The following PPIP5K2 variants were observed in gnomAD, a reference collection of about 807,000 sequenced individuals.
The protein encoded by PPIP5K2 is inositol hexakisphosphate and diphosphoinositol-pentakisphosphate kinase 2.
In PPIP5K2, 105 loss-of-function variants were observed where a neutral mutation model predicts 154.6. That is an observed-to-expected ratio of 0.68 (90% CI 0.58 to 0.80). The LOEUF is 0.80. Ranked by LOEUF, PPIP5K2 falls within the 30% of genes least tolerant of loss-of-function variation. PPIP5K2 has a pLI of 0.00. For synonymous variants in PPIP5K2, 480 were observed against 490.3 expected (o/e 0.98, Z 0.28); for missense variants, 992 against 1,504.6 (o/e 0.66, Z 5.64).
intron 17 of PPIP5K2, among the ~76,000 whole-genome samples, chr5:103,161,635 T>G (rs1554215829): frequency 6.6e-6 from 1 of 152,196 alleles, no homozygotes; most frequent in African/African-American, 2.4e-5. Context: ...TTTCCTGACT[T>G]TTTAATGATT....
At chr5:103,136,321 G>T (rs1185873998) in intron 3 of PPIP5K2, among the ~76,000 whole-genome samples, 1 of 152,180 alleles carries the variant, frequency 6.6e-6, no homozygotes, top group African/African-American at 2.4e-5. Context: ...TAATTTATGT[G>T]TGTAGGCATC....
intron 21 of PPIP5K2, chr5:103,177,029 A>G: frequency 1.6e-6 from 1 of 637,350 alleles, no homozygotes; most frequent in African/African-American, 1.9e-5. Flanking sequence ...GATGGTGGGA[A>G]AAAATGGCAT....
Position 103,200,414 on chromosome 5 carries a change from T to C in PPIP5K2, c.3620-1108T>C, listed in dbSNP as rs77787991. On this transcript the variant is annotated intron_variant, in intron 30 of 30. Coordinates refer to ENST00000358359, the MANE Select transcript of PPIP5K2 (RefSeq NM_001276277.3). ...GGGAATGTTATTCCATATTATTCCC[T>C]TTTTCCAAGTGCTGATTCTTATCTA... Among the ~76,000 whole-genome samples the C allele has an allele frequency of 2.5e-3, 377 of 151,688 alleles. 1 individual carries two copies. Among genetic ancestry groups the C allele is most frequent in the Middle Eastern group, 0.01 (3 of 294 alleles).
intron 5 of PPIP5K2, among the ~76,000 whole-genome samples, chr5:103,140,753 C>T (rs1554206254): frequency 6.7e-6 from 1 of 148,936 alleles, no homozygotes; most frequent in Admixed American, 6.8e-5. Flanking sequence ...AGGAGAATGG[C>T]GTGAACCCGG....
intron 11 of PPIP5K2, among the ~76,000 whole-genome samples, 186 bp from the exon 12 acceptor site, chr5:103,154,484 A>G (rs1299781601): frequency 6.6e-6 from 1 of 152,084 alleles, no homozygotes; most frequent in East Asian, 1.9e-4. Context: ...CATTTAGGAA[A>G]GTACTAAGTT....
intron 2 of PPIP5K2, among the ~76,000 whole-genome samples, chr5:103,132,398 T>C (rs1554202930): frequency 2.0e-5 from 3 of 151,796 alleles, no homozygotes; most frequent in South Asian, 2.1e-4. Context: ...AAAAAAAAAT[T>C]AGCTGGGTGT....
At chr5:103,162,101 A>T (rs973485315) in intron 17 of PPIP5K2, among the ~76,000 whole-genome samples, 2 of 152,132 alleles carry the variant, frequency 1.3e-5, no homozygotes, top group African/African-American at 4.8e-5. Flanking sequence ...TTCTCAGATG[A>T]TTCCATTTTG....
intron 9 of PPIP5K2, 128 bp from the exon 10 acceptor site, chr5:103,152,520 G>C (rs1794785239): frequency 1.7e-6 from 1 of 575,118 alleles, no homozygotes; most frequent in South Asian, 2.6e-5. Flanking sequence ...AATGGATTCT[G>C]TGGGTTATCT....
chr5:103,147,838 G>T, intron 6 of PPIP5K2, 93 bp from the exon 7 acceptor site: 1 of 749,154 alleles, frequency 1.3e-6, no homozygotes, highest in Non-Finnish European at 2.2e-6. Flanking sequence ...GTCTAAGATG[G>T]AAATAGATGG....
In PPIP5K2 at chr5:103,149,319, A is replaced by G. The variant is rs574733171; in HGVS notation, c.906+6A>G. 1.3e-5 allele frequency: 21 copies of G among 1,611,946 alleles called. No homozygotes were observed. The highest frequency in any genetic ancestry group is 2.7e-5 in the African/African-American group (2 of 74,992). On this transcript the variant is annotated splice_donor_region_variant and intron_variant, in intron 8 of 30. Transcript: ENST00000358359. ...AAGTCTGCCTTGCTTTTAAGGTAAG[A>G]TGTTATACAGGCCTATAGATCCTTA...
At chr5:103,141,633 A>C (rs1327446450) in intron 5 of PPIP5K2, among the ~76,000 whole-genome samples, 2 of 152,176 alleles carry the variant, frequency 1.3e-5, no homozygotes, top group East Asian at 3.9e-4. Flanking sequence ...AGTTAGATAC[A>C]GAGTTTCGAC....
chr5:103,196,993 G>A (rs1019008349), intron 30 of PPIP5K2, among the ~76,000 whole-genome samples: 1 of 152,106 alleles, frequency 6.6e-6, no homozygotes, highest in East Asian at 1.9e-4. Flanking sequence ...CAGGGTAAGA[G>A]AGCATTTCAG....
intron 12 of PPIP5K2, 27 bp downstream of exon 12, chr5:103,154,772 T>C (rs1187800569): frequency 7.1e-6 from 11 of 1,551,658 alleles, no homozygotes; most frequent in Non-Finnish European, 9.6e-6. Context: ...TCTTGTTTAA[T>C]TTTAAATTTT....
chr5:103,193,393 A>T (rs1483549318), intron 29 of PPIP5K2, among the ~76,000 whole-genome samples: 4 of 152,050 alleles, frequency 2.6e-5, no homozygotes, highest in Non-Finnish European at 5.9e-5. Flanking sequence ...GTTTATAACA[A>T]GGGAAAAGGA....
chr5:103,198,407 A>T (rs1327054122), intron 30 of PPIP5K2, among the ~76,000 whole-genome samples: 3 of 152,058 alleles, frequency 2.0e-5, no homozygotes, highest in African/African-American at 7.2e-5. Flanking sequence ...AAGGTTGTTG[A>T]TAATGTTCAG....
intron 6 of PPIP5K2, among the ~76,000 whole-genome samples, chr5:103,147,422 C>A (rs2149541749): frequency 6.6e-6 from 1 of 152,060 alleles, no homozygotes; most frequent in African/African-American, 2.4e-5. Context: ...AAAGATTTTT[C>A]ATTATCTTCA....
In PPIP5K2 at chr5:103,184,726, A is replaced by C; in HGVS notation, c.3151A>C (p.Lys1051Gln). 1.2e-6 allele frequency: 2 copies of C among 1,612,340 alleles called. No individual in the cohort carries two copies. The highest frequency in any genetic ancestry group is 1.7e-6 in the Non-Finnish European group (2 of 1,178,556). The change falls in exon 26 of 31, where the codon AAG becomes CAG. Residue 1051 changes from lysine to glutamine, a missense_variant. By Grantham distance (53) the Lys-to-Gln change is moderately conservative (BLOSUM62 1). This residue lies in a region of PPIP5K2 where 204 missense variants were observed against 224.0 expected (regional missense o/e 0.91). Transcript: ENST00000358359. ...LRTPRTLVEQ[K>Q]QNPTVGSHCA... ...AACACCAAGAACTCTTGTGGAACAGAAGCAGAATCCTACTGTAGGTATGTG... is the reference window on the plus strand; with the variant it reads ...AACACCAAGAACTCTTGTGGAACAGCAGCAGAATCCTACTGTAGGTATGTG...
At chr5:103,162,350 C>CTTTTTTTTTT (rs200973581) in intron 17 of PPIP5K2, among the ~76,000 whole-genome samples, 1 of 138,540 alleles carries the variant, frequency 7.2e-6, no homozygotes. Flanking sequence ...GATGTGTTTT[C>CTTTTTTTTTT]TTTTTTTTTT....
In PPIP5K2 at chr5:103,208,951, T is replaced by C. The variant is rs1322279519; in HGVS notation, c.*7317T>C. On this transcript the variant is annotated 3_prime_UTR_variant, in exon 31 of 31. Transcript: ENST00000358359. ...CTTCATTTTCAAACTGGATATCATT[T>C]CTTTTGTGGTTAATATTCTTTGACA... The C allele has an allele frequency of 6.6e-6, 1 of 152,198 alleles. No individual in the cohort carries two copies. Among genetic ancestry groups the C allele is most frequent in the Non-Finnish European group, 1.5e-5 (1 of 68,030 alleles). 9.4% of individuals were successfully genotyped at this position (152,198 alleles called of 1,614,324 possible). A position where few individuals can be genotyped will look rare whatever the true frequency, so the allele number is the denominator to read the frequency against.
Sources: gnomAD v4.1 joint callset for allele counts (sites outside exome capture counted in the v4.1 genomes callset) on GRCh38, gnomAD v4.1.1 for gene constraint, gnomAD v4.1.1 regional missense constraint, MANE v1.5 for transcripts, NCBI Gene and HGNC (gene_info 2026-07-23, HGNC 2026-07-21) for gene names.